The following BTBD6 variants were observed in gnomAD, a reference collection of about 807,000 sequenced individuals.
BTBD6 encodes the protein BTB domain containing 6.
In BTBD6, 30 loss-of-function variants were observed where a neutral mutation model predicts 40.6. The ratio of observed to expected loss-of-function variants is 0.74; its 90% CI spans 0.55 to 1.00. The LOEUF (loss-of-function observed/expected upper bound fraction) is 1.00, where lower values mean the gene tolerates loss of function less well. BTBD6 is among the 50% of genes least tolerant of loss of function. The probability of loss-of-function intolerance (pLI) is 0.00; values close to 1 mark genes in which losing one functional copy is unlikely to be tolerated. For missense variants in BTBD6, 698 were observed against 694.6 expected (o/e 1.00, Z -0.06); for synonymous variants, 378 against 308.7 (o/e 1.22, Z -2.35).
Position 105,250,392 on chromosome 14 carries a change from G to A in BTBD6, c.1337G>A (p.Arg446Gln), listed in dbSNP as rs368000536. The A allele has an allele frequency of 1.3e-4, 216 of 1,613,700 alleles. No homozygotes were observed. Among genetic ancestry groups the A allele is most frequent in the Non-Finnish European group, 1.7e-4 (200 of 1,180,044 alleles). The change falls in exon 4 of 4, where the codon CGG (arginine) becomes CAG (glutamine). Residue 446 changes from arginine (R) to glutamine (Q), a missense_variant. Coordinates refer to ENST00000392554, the MANE Select transcript of BTBD6 (RefSeq NM_001387567.1). ...AEYSVKIELK[R>Q]LGVVLAQNLT... ...TACAGCGTGAAGATTGAGCTCAAGC[G>A]GCTCGGGGTGGTTCTGGCTCAGAAC...
chr14:105,251,092 C>A lies in BTBD6; in HGVS notation c.*420C>A. 1 of 207,200 alleles carries A rather than the reference C, an allele frequency of 4.8e-6. No individual in the cohort carries two copies. Among genetic ancestry groups the A allele is most frequent in the South Asian group, 1.1e-4 (1 of 9,314 alleles). The allele number at this position is 207,200 out of a possible 1,614,324, so 12.8% of individuals were successfully genotyped here. A position where few individuals can be genotyped will look rare whatever the true frequency, so the allele number is the denominator to read the frequency against. The stretch of plus-strand genomic sequence containing the variant: ...CTGTAATAAAGGTTGCCTAAAATAA[C>A]ACCCACGTGTCAGTAAATGACTACA... On this transcript the variant is annotated 3_prime_UTR_variant, in exon 4 of 4. Transcript: ENST00000392554.
Position 105,248,999 on chromosome 14 carries a change from G to A in BTBD6, c.288G>A (p.Pro96=), listed in dbSNP as rs1595380146. The change falls in exon 1 of 4, where the codon CCG becomes CCA. Residue 96 remains proline, a synonymous_variant. Transcript: ENST00000392554. ...CCAGCGCCCCCGCGCCAGCGCCGCC[G>A]CCGCCCGCGCCCGCGCCGCCCACAC... ...SPPSAPAPAP[P]PPAPAPPTLG... 2.0e-6 allele frequency: 2 copies of A among 1,020,348 alleles called. No homozygotes were observed. The highest frequency in any genetic ancestry group is 2.3e-6 in the Non-Finnish European group (2 of 854,502). 63.2% of individuals were successfully genotyped at this position (1,020,348 alleles called of 1,614,324 possible).
chr14:105,249,609 C>G (rs1595383505), intron 3 of BTBD6, 31 bp from the exon 4 acceptor site: 1 of 1,590,452 alleles, frequency 6.3e-7, no homozygotes, highest in Non-Finnish European at 8.6e-7. Flanking sequence ...GCTTGGGAGC[C>G]AGCCCCTGAC....
chr14:105,248,603 CGGCCGGGCCT>C lies in BTBD6; in HGVS notation c.-100_-91del, dbSNP rs1048482817. ...CGGGCGGGCGGGACGGCGCCCCCCG[CGGCCGGGCCT>C]GGCCGGGCTGCGCTAGGCTGGGCTC... On this transcript the variant is annotated 5_prime_UTR_variant, in exon 1 of 4. Coordinates refer to ENST00000392554, the MANE Select transcript of BTBD6 (RefSeq NM_001387567.1). 3.0e-5 allele frequency: 29 copies of C among 966,806 alleles called. No homozygotes were observed. The African/African-American group carries it at 3.9e-4, about 13-fold the overall frequency. 59.9% of individuals were successfully genotyped at this position (966,806 alleles called of 1,614,324 possible). A position where few individuals can be genotyped will look rare whatever the true frequency, so the allele number is the denominator to read the frequency against.
Position 105,249,931 on chromosome 14 carries a change from G to C in BTBD6, c.876G>C (p.Glu292Asp). The part of the protein sequence containing the change: ...RQTLEIIVTR[E>D]ALNTKEAVVF... ...CGCTGGAGATCATTGTCACTCGGGAGGCCCTCAACACCAAAGAGGCGGTGG... is the reference window on the plus strand; with the variant it reads ...CGCTGGAGATCATTGTCACTCGGGACGCCCTCAACACCAAAGAGGCGGTGG... Residue 292 changes from glutamate to aspartate, a missense_variant, in exon 4 of 4, where the codon GAG becomes GAC. By Grantham distance (45) the Glu-to-Asp change is conservative. Coordinates refer to ENST00000392554, the MANE Select transcript of BTBD6 (RefSeq NM_001387567.1). 6.2e-7 allele frequency: 1 copy of C among 1,611,526 alleles called. No individual in the cohort carries two copies.
In BTBD6 at chr14:105,250,014, T is replaced by C; in HGVS notation, c.959T>C (p.Ile320Thr). ...GAGTGCAAGAGGCAGGGGCTGCCAA[T>C]CACCCCACGAAACAAGAGGCATGTT... is the stretch of plus-strand genomic sequence containing the variant. Reference protein sequence around the residue: ...EAECKRQGLPITPRNKRHVLG... With the variant: ...EAECKRQGLPTTPRNKRHVLG... Residue 320 changes from isoleucine (I) to threonine (T), a missense_variant, in exon 4 of 4, where the codon ATC becomes ACC. Coordinates refer to ENST00000392554, the MANE Select transcript of BTBD6 (RefSeq NM_001387567.1). 6.2e-7 allele frequency: 1 copy of C among 1,612,882 alleles called. No individual in the cohort carries two copies. The highest frequency in any genetic ancestry group is 8.5e-7 in the Non-Finnish European group (1 of 1,180,018).
In BTBD6 at chr14:105,249,844, C is replaced by A. The variant is rs1342236893; in HGVS notation, c.789C>A (p.Val263=). 1 of 1,613,238 alleles carries A rather than the reference C, an allele frequency of 6.2e-7. No individual in the cohort carries two copies. ...EPELTQRCWE[V]IDAQAEMALR... ...AGCTGACGCAGCGCTGCTGGGAGGT[C>A]ATTGACGCACAGGCCGAGATGGCCC... The change falls in exon 4 of 4, where the codon GTC becomes GTA. Residue 263 remains valine, a synonymous_variant. Transcript: ENST00000392554.
At chr14:105,249,108 C>CCGCGCCCGCG (rs1004214884) in intron 1 of BTBD6, 23 bp downstream of exon 1, 22 of 1,499,876 alleles carry the variant, frequency 1.5e-5, no homozygotes, top group African/African-American at 2.9e-5. Context: ...CCCGCGGCCC[C>CCGCGCCCGCG]CGCGCCCGCG....
At position 105,248,910 on chromosome 14, in the gene BTBD6, GCGGACCTAGCCAACAGCAACGCC is replaced by G; in HGVS notation, c.200_222del (p.Ala67GlyfsTer105). The G allele has an allele frequency of 1.0e-6, 1 of 987,414 alleles. No individual in the cohort carries two copies. The highest frequency in any genetic ancestry group is 1.2e-6 in the Non-Finnish European group (1 of 832,860). The allele number at this position is 987,414 out of a possible 1,614,324, so 61.2% of individuals were successfully genotyped here. ...CTACGCTCCCGCCAGCGCCGCGGCC[GCGGACCTAGCCAACAGCAACGCC>G]GGCGCCGCCGTGGGCAGGAAGGCCG... On this transcript the variant is annotated frameshift_variant, in exon 1 of 4. Transcript: ENST00000392554. LOFTEE classifies it high-confidence loss of function.
At chr14:105,249,320 G>C (rs1362743499) in intron 2 of BTBD6, 40 bp from the exon 3 acceptor site, 2 of 1,596,318 alleles carry the variant, frequency 1.3e-6, no homozygotes, top group East Asian at 2.3e-5. Flanking sequence ...CACGCAGCCT[G>C]CGGGAGAGCC....
chr14:105,248,974 C>G lies in BTBD6; in HGVS notation c.263C>G (p.Pro88Arg). ...VGRKAGPRSPPSAPAPAPPPP... is the reference protein window; with the variant it reads ...VGRKAGPRSPRSAPAPAPPPP... ...AGGAAGGCCGGGCCGCGCAGCCCGC[C>G]CAGCGCCCCCGCGCCAGCGCCGCCG... The change falls in exon 1 of 4, where the codon CCC (proline) becomes CGC (arginine). Residue 88 changes from proline to arginine, a missense_variant. Pro to Arg is a moderately radical substitution (Grantham distance 103). Coordinates refer to ENST00000392554, the MANE Select transcript of BTBD6 (RefSeq NM_001387567.1). The G allele has an allele frequency of 1.0e-6, 1 of 983,686 alleles. No homozygotes were observed. Among genetic ancestry groups the G allele is most frequent in the Non-Finnish European group, 1.2e-6 (1 of 829,878 alleles). The allele number at this position is 983,686 out of a possible 1,614,324, so 60.9% of individuals were successfully genotyped here. A position where few individuals can be genotyped will look rare whatever the true frequency, so the allele number is the denominator to read the frequency against.
At position 105,248,962 on chromosome 14, in the gene BTBD6, C is replaced by T; in HGVS notation, c.251C>T (p.Pro84Leu). The T allele has an allele frequency of 2.0e-6, 2 of 979,580 alleles. No homozygotes were observed. Among genetic ancestry groups the T allele is most frequent in the Non-Finnish European group, 2.4e-6 (2 of 827,352 alleles). 60.7% of individuals were successfully genotyped at this position (979,580 alleles called of 1,614,324 possible). The change falls in exon 1 of 4, where the codon CCG (proline) becomes CTG (leucine). Residue 84 changes from proline (P) to leucine (L), a missense_variant. Coordinates refer to ENST00000392554, the MANE Select transcript of BTBD6 (RefSeq NM_001387567.1). ...AGAAVGRKAG[P>L]RSPPSAPAPA... ...GCCGCCGTGGGCAGGAAGGCCGGGC[C>T]GCGCAGCCCGCCCAGCGCCCCCGCG...
rs587627352 is a variant in BTBD6 at position 105,251,024 on chromosome 14, T to C, written c.*352T>C. 1 of 262,806 alleles carries C rather than the reference T, an allele frequency of 3.8e-6. No homozygotes were observed. The highest frequency in any genetic ancestry group is 2.2e-5 in the African/African-American group (1 of 45,272). 16.3% of individuals were successfully genotyped at this position (262,806 alleles called of 1,614,324 possible). A position where few individuals can be genotyped will look rare whatever the true frequency, so the allele number is the denominator to read the frequency against. ...CCAAGCTTAACTTGAGACCTTCCCTTCAAATCTAAAATTGGCAAAAAGTCA... is the reference window on the plus strand; with the variant it reads ...CCAAGCTTAACTTGAGACCTTCCCTCCAAATCTAAAATTGGCAAAAAGTCA... On this transcript the variant is annotated 3_prime_UTR_variant, in exon 4 of 4. Coordinates refer to ENST00000392554, the MANE Select transcript of BTBD6 (RefSeq NM_001387567.1).
chr14:105,249,871 A>G lies in BTBD6; in HGVS notation c.816A>G (p.Leu272=). Residue 272 remains leucine, a synonymous_variant, in exon 4 of 4, where the codon CTA becomes CTG. Transcript: ENST00000392554. ...TTGACGCACAGGCCGAGATGGCCCT[A>G]CGGTCCGAAGGCTTCTGTGAGATAG... is the stretch of plus-strand genomic sequence containing the variant. The part of the protein sequence containing the change: ...EVIDAQAEMA[L]RSEGFCEIDR... 1 of 1,612,298 alleles carries G rather than the reference A, an allele frequency of 6.2e-7. No individual in the cohort carries two copies. The highest frequency in any genetic ancestry group is 8.5e-7 in the Non-Finnish European group (1 of 1,180,000).
rs1408141104 is a variant in BTBD6 at position 105,249,440 on chromosome 14, T to C, written c.546T>C (p.Ile182=). 6.2e-7 allele frequency: 1 copy of C among 1,605,296 alleles called. No individual in the cohort carries two copies. Among genetic ancestry groups the C allele is most frequent in the East Asian group, 2.3e-5 (1 of 44,230 alleles). Residue 182 remains isoleucine, a synonymous_variant, in exon 3 of 4, where the codon ATT becomes ATC. Transcript: ENST00000392554. The stretch of plus-strand genomic sequence containing the variant: ...CGGAAGTCAAATCTGAAATTCACAT[T>C]CCAGACGTGGAGCCCGCAGCCTTTC... ...DLAEVKSEIH[I]PDVEPAAFLI...
Position 105,249,883 on chromosome 14 carries a change from C to T in BTBD6, c.828C>T (p.Gly276=), listed in dbSNP as rs1304687988. 2 of 1,611,910 alleles carry T rather than the reference C, an allele frequency of 1.2e-6. No individual in the cohort carries two copies. Among genetic ancestry groups the T allele is most frequent in the South Asian group, 2.2e-5 (2 of 91,074 alleles). The change falls in exon 4 of 4, where the codon GGC becomes GGT. Residue 276 remains glycine, a synonymous_variant. Transcript: ENST00000392554. Reference sequence around the variant, plus strand: ...CCGAGATGGCCCTACGGTCCGAAGGCTTCTGTGAGATAGACCGGCAGACGC... The same window carrying T: ...CCGAGATGGCCCTACGGTCCGAAGGTTTCTGTGAGATAGACCGGCAGACGC... ...AQAEMALRSE[G]FCEIDRQTLE...
rs961776784 is a variant in BTBD6 at position 105,248,859 on chromosome 14, C to T, written c.148C>T (p.Pro50Ser). ...STGAEAAPAAPPAKMAAELYA... is the reference protein window; with the variant it reads ...STGAEAAPAASPAKMAAELYA... ...AGGCGCCGAGGCTGCCCCCGCCGCC[C>T]CGCCCGCGAAGATGGCGGCGGAACT... The change falls in exon 1 of 4, where the codon CCG becomes TCG. Residue 50 changes from proline to serine, a missense_variant. Pro to Ser is a moderately conservative substitution (Grantham distance 74). Coordinates refer to ENST00000392554, the MANE Select transcript of BTBD6 (RefSeq NM_001387567.1). The T allele has an allele frequency of 9.1e-6, 9 of 990,258 alleles. No homozygotes were observed. The African/African-American group carries it at 1.6e-4, about 17-fold the overall frequency. The allele number at this position is 990,258 out of a possible 1,614,324, so 61.3% of individuals were successfully genotyped here. A position where few individuals can be genotyped will look rare whatever the true frequency, so the allele number is the denominator to read the frequency against.
rs1300103051 is a variant in BTBD6, at chr14:105,251,028, A to G, written c.*356A>G. 1 of 254,924 alleles carries G rather than the reference A, an allele frequency of 3.9e-6. No homozygotes were observed. 15.8% of individuals were successfully genotyped at this position (254,924 alleles called of 1,614,324 possible). A position where few individuals can be genotyped will look rare whatever the true frequency, so the allele number is the denominator to read the frequency against. ...GCTTAACTTGAGACCTTCCCTTCAA[A>G]TCTAAAATTGGCAAAAAGTCACTTA... On this transcript the variant is annotated 3_prime_UTR_variant, in exon 4 of 4. Coordinates refer to ENST00000392554, the MANE Select transcript of BTBD6 (RefSeq NM_001387567.1).
rs781231156 is a variant in BTBD6, at chr14:105,250,216, C to A, written c.1161C>A (p.Ala387=). The A allele has an allele frequency of 6.2e-7, 1 of 1,612,964 alleles. No individual in the cohort carries two copies. Among genetic ancestry groups the A allele is most frequent in the East Asian group, 2.2e-5 (1 of 44,886 alleles). The change falls in exon 4 of 4, where the codon GCC becomes GCA. Residue 387 remains alanine, a synonymous_variant. Transcript: ENST00000392554. ...DFPLTKRKGL[A]PQRCHRFQSS... ...CCCTGACCAAGAGGAAGGGCCTCGC[C>A]CCGCAGAGGTGCCACCGATTCCAGT...
Sources: gnomAD v4.1 joint callset for allele counts on GRCh38, gnomAD v4.1.1 for gene constraint, MANE v1.5 for transcripts, NCBI Gene and HGNC (gene_info 2026-07-23, HGNC 2026-07-21) for gene names.